Variants in GPC6 observed in about 807,000 individuals in gnomAD.
GPC6 encodes glypican 6.
In GPC6, 14 loss-of-function variants were observed where a neutral mutation model predicts 55.2. The ratio of observed to expected loss-of-function variants is 0.25; its 90% CI spans 0.17 to 0.40. GPC6 has a LOEUF of 0.40. GPC6 is among the 10% of genes least tolerant of loss of function. GPC6 has a pLI of 1.00. For synonymous variants in GPC6, 278 were observed against 259.6 expected (o/e 1.07, Z -0.68); for missense variants, 641 against 708.5 (o/e 0.90, Z 1.08).
In GPC6 at chr13:94,188,755, C is replaced by G. The variant is rs368532214; in HGVS notation, c.878-97594C>G. Among the ~76,000 whole-genome samples, 6 of 152,078 alleles carry G rather than the reference C, an allele frequency of 3.9e-5. No homozygotes were observed. The East Asian group carries it at 5.8e-4, about 15-fold the overall frequency. On this transcript the variant is annotated intron_variant, in intron 4 of 8. Transcript: ENST00000377047. Reference sequence around the variant, plus strand: ...CTCTGTATCTGGAGAGGCACTTGCACCACACCCCATCCCATAGCTGGTGAC... The same window carrying G: ...CTCTGTATCTGGAGAGGCACTTGCAGCACACCCCATCCCATAGCTGGTGAC...
intron 4 of GPC6, among the ~76,000 whole-genome samples, chr13:94,231,357 T>C (rs1043555105): frequency 9.2e-5 from 14 of 152,142 alleles, no homozygotes; most frequent in Non-Finnish European, 1.5e-5. Flanking sequence ...AACGATCCTA[T>C]TGGCTGTTGG....
rs1877522076 is a variant in GPC6, at chr13:93,271,437, A to G, written c.160+43821A>G. Among the ~76,000 whole-genome samples the G allele has an allele frequency of 4.6e-5, 7 of 152,130 alleles. No individual in the cohort carries two copies. The South Asian group carries it at 1.4e-3, about 32-fold the overall frequency. The stretch of plus-strand genomic sequence containing the variant: ...TAAGGTTTAAGGCAAAAGTATTCAG[A>G]CATCTTTGACTATCAAAATTACATC... On this transcript the variant is annotated intron_variant, in intron 1 of 8. Transcript: ENST00000377047.
intron 4 of GPC6, among the ~76,000 whole-genome samples, chr13:94,053,838 C>T (rs1373985161): frequency 6.6e-6 from 1 of 151,930 alleles, no homozygotes; most frequent in African/African-American, 2.4e-5. Flanking sequence ...ATTCTTACTT[C>T]AGAGATATAG....
chr13:93,703,799 G>C (rs150962999), intron 2 of GPC6, among the ~76,000 whole-genome samples: 1 of 151,904 alleles, frequency 6.6e-6, no homozygotes, highest in Non-Finnish European at 1.5e-5. Context: ...TGATTTTATA[G>C]AACAGATGAA....
intron 4 of GPC6, among the ~76,000 whole-genome samples, chr13:94,135,824 G>A (rs1164294269): frequency 6.6e-6 from 1 of 152,182 alleles, no homozygotes; most frequent in Non-Finnish European, 1.5e-5. Flanking sequence ...TAAGCACTGA[G>A]CCACCACTGG....
At chr13:93,852,078 A>G (rs971275003) in intron 3 of GPC6, among the ~76,000 whole-genome samples, 1 of 151,906 alleles carries the variant, frequency 6.6e-6, no homozygotes, top group South Asian at 2.1e-4. Flanking sequence ...TATGACAGCA[A>G]TATCAAATTT....
intron 7 of GPC6, among the ~76,000 whole-genome samples, chr13:94,385,471 T>G (rs1445659751): frequency 3.3e-5 from 5 of 152,324 alleles, no homozygotes; most frequent in African/African-American, 1.2e-4. Flanking sequence ...TGATCCAGTT[T>G]AATGCAATGA....
chr13:94,069,771 A>T (rs1277438309), intron 4 of GPC6, among the ~76,000 whole-genome samples: 1 of 152,190 alleles, frequency 6.6e-6, no homozygotes, highest in African/African-American at 2.4e-5. Flanking sequence ...GTTCCCAACA[A>T]GTTTCTCATC....
intron 2 of GPC6, among the ~76,000 whole-genome samples, chr13:93,595,325 C>G (rs1384036609): frequency 6.6e-6 from 1 of 152,106 alleles, no homozygotes; most frequent in African/African-American, 2.4e-5. Flanking sequence ...GTGAATTGAT[C>G]AAGTACTTGA....
Position 94,406,430 on chromosome 13 carries a change from C to T in GPC6, c.*3213C>T, listed in dbSNP as rs540913400. On this transcript the variant is annotated 3_prime_UTR_variant, in exon 9 of 9. Transcript: ENST00000377047. ...AAGTTGGTACTTTGATTATAGCCAT[C>T]GTAGAACATTAGCACTAGAAATCTG... 4 of 152,206 alleles carry T rather than the reference C, an allele frequency of 2.6e-5. No homozygotes were observed. Among genetic ancestry groups the T allele is most frequent in the Admixed American group, 2.0e-4 (3 of 15,280 alleles). 9.4% of individuals were successfully genotyped at this position (152,206 alleles called of 1,614,324 possible). A position where few individuals can be genotyped will look rare whatever the true frequency, so the allele number is the denominator to read the frequency against.
intron 2 of GPC6, among the ~76,000 whole-genome samples, chr13:93,674,721 T>G (rs1881513541): frequency 6.6e-6 from 1 of 152,178 alleles, no homozygotes; most frequent in Non-Finnish European, 1.5e-5. Context: ...ATGAAACCAT[T>G]CAGGTTGTGT....
At chr13:93,656,051 AG>A in intron 2 of GPC6, among the ~76,000 whole-genome samples, 1 of 152,336 alleles carries the variant, frequency 6.6e-6, no homozygotes, top group East Asian at 1.9e-4. Flanking sequence ...AAAGTACCTG[AG>A]ACCTTGTCAA....
intron 3 of GPC6, among the ~76,000 whole-genome samples, chr13:93,948,410 A>T (rs1210777114): frequency 1.3e-5 from 2 of 152,176 alleles, no homozygotes; most frequent in Non-Finnish European, 2.9e-5. Flanking sequence ...GGGAATGCAC[A>T]CTTGTTCTAC....
chr13:94,280,433 C>T (rs1039014251), intron 4 of GPC6, among the ~76,000 whole-genome samples: 4 of 152,122 alleles, frequency 2.6e-5, no homozygotes, highest in East Asian at 1.9e-4. Context: ...TCTCCTGAAA[C>T]ACATTCCAGC....
At chr13:93,814,028 GTAACTGCT>G (rs1201272524) in intron 2 of GPC6, among the ~76,000 whole-genome samples, 1 of 152,066 alleles carries the variant, frequency 6.6e-6, no homozygotes, top group East Asian at 1.9e-4. Context: ...TTCTTAACAT[GTAACTGCT>G]TTTGGTTTTT....
intron 3 of GPC6, among the ~76,000 whole-genome samples, chr13:93,842,115 GT>G (rs937396534): frequency 1.3e-5 from 2 of 152,056 alleles, no homozygotes. Flanking sequence ...TTATTTCATT[GT>G]TTTTAATGAA....
chr13:93,663,128 A>G (rs1880993596), intron 2 of GPC6, among the ~76,000 whole-genome samples: 1 of 151,794 alleles, frequency 6.6e-6, no homozygotes, highest in African/African-American at 2.4e-5. Context: ...TCAATTTTTA[A>G]GGAGTTCAGA....
chr13:93,765,479 A>C (rs1885102966), intron 2 of GPC6, among the ~76,000 whole-genome samples: 1 of 138,360 alleles, frequency 7.2e-6, no homozygotes, highest in Admixed American at 7.3e-5. Flanking sequence ...TATTTATATT[A>C]TAAACTTTTT....
At chr13:93,790,937 T>C (rs2138922347) in intron 2 of GPC6, among the ~76,000 whole-genome samples, 1 of 152,130 alleles carries the variant, frequency 6.6e-6, no homozygotes, top group East Asian at 1.9e-4. Context: ...AACAGCAAAT[T>C]GGAGAAAAGA....
Sources: gnomAD v4.1 joint callset for allele counts (sites outside exome capture counted in the v4.1 genomes callset) on GRCh38, gnomAD v4.1.1 for gene constraint, MANE v1.5 for transcripts, NCBI Gene and HGNC (gene_info 2026-07-23, HGNC 2026-07-21) for gene names.